The following SPACA9 variants were observed in gnomAD, a reference collection of about 807,000 sequenced individuals.
SPACA9 encodes sperm acrosome associated 9.
A neutral mutation model predicts 12.5 loss-of-function variants in SPACA9; 14 were observed. The observed-to-expected ratio is 1.12, with a 90% CI of 0.74 to 1.75. The LOEUF (loss-of-function observed/expected upper bound fraction) is 1.75. Ranked by LOEUF, SPACA9 falls within the 40% of genes most tolerant of loss-of-function variation. The pLI is 0.00. For missense variants in SPACA9, 292 were observed against 291.9 expected (o/e 1.00, Z 0.00); for synonymous variants, 111 against 114.1 (o/e 0.97, Z 0.17).
rs1844667243 is a variant in SPACA9 at position 132,889,202 on chromosome 9, C to T, written c.*591C>T. The T allele has an allele frequency of 1.0e-6, 1 of 986,408 alleles. No individual in the cohort carries two copies. Among genetic ancestry groups the T allele is most frequent in the African/African-American group, 1.7e-5 (1 of 57,232 alleles). 61.1% of individuals were successfully genotyped at this position (986,408 alleles called of 1,614,324 possible). On this transcript the variant is annotated 3_prime_UTR_variant, in exon 4 of 4. Coordinates refer to ENST00000356311, the MANE Select transcript of SPACA9 (RefSeq NM_001316897.2). ...TCCCAGGAGGGCACTGAACTGTCAC[C>T]TAGGTCCTCTTTGAGCCACATCCGG... is the stretch of plus-strand genomic sequence containing the variant.
In SPACA9 at chr9:132,887,181, C is replaced by CCATG. The variant is rs1554809890; in HGVS notation, c.145-188_145-187insCATG. ...TCCATCCATCCATCCATCCATCCAT[C>CCATG]TATAGAGAGAGAGATACCACTATAT... On this transcript the variant is annotated intron_variant, in intron 2 of 3. Coordinates refer to ENST00000356311, the MANE Select transcript of SPACA9 (RefSeq NM_001316897.2). This position sits in a 1 kb window ranked among gnomAD's most constrained non-coding sequence, Gnocchi z 5.4. Among the ~76,000 whole-genome samples the CCATG allele has an allele frequency of 1.0e-3, 151 of 151,714 alleles. No individual in the cohort carries two copies. Among genetic ancestry groups the CCATG allele is most frequent in the African/African-American group, 2.5e-3 (102 of 41,318 alleles).
rs1013248945 is a variant in SPACA9 at position 132,883,852 on chromosome 9, G to A, written c.-37-59G>A. 44 of 1,360,290 alleles carry A rather than the reference G, an allele frequency of 3.2e-5. No homozygotes were observed. In the East Asian group the frequency reaches 3.9e-4, roughly 12 times the overall value. The allele number at this position is 1,360,290 out of a possible 1,614,324, so 84.3% of individuals were successfully genotyped here. A position where few individuals can be genotyped will look rare whatever the true frequency, so the allele number is the denominator to read the frequency against. On this transcript the variant is annotated intron_variant, in intron 1 of 3. Coordinates refer to ENST00000356311, the MANE Select transcript of SPACA9 (RefSeq NM_001316897.2). ...CTCTCCCCTGACAGTCCTTCCCTCCGGAGCTGGATCCGAGCATTGGGTCCC... is the reference window on the plus strand; with the variant it reads ...CTCTCCCCTGACAGTCCTTCCCTCCAGAGCTGGATCCGAGCATTGGGTCCC...
intron 1 of SPACA9, among the ~76,000 whole-genome samples, chr9:132,882,187 G>A (rs566934988): frequency 2.0e-5 from 3 of 152,320 alleles, no homozygotes; most frequent in Non-Finnish European, 4.4e-5. Flanking sequence ...CTCTGCTGCA[G>A]AAGCATACTC....
chr9:132,880,854 G>A (rs1298505924), intron 1 of SPACA9, among the ~76,000 whole-genome samples: 3 of 136,538 alleles, frequency 2.2e-5, no homozygotes, highest in Non-Finnish European at 4.6e-5. Context: ...ATGGAGTCTT[G>A]CTCTGTCGCC....
chr9:132,879,827 C>A lies in SPACA9; in HGVS notation c.-38+813C>A, dbSNP rs537217566. On this transcript the variant is annotated intron_variant, in intron 1 of 3. Transcript: ENST00000356311. ...ACTGAGGCCCAGAAAAGGGGGAAAT[C>A]TTGGCTAGGGCCACTGGTTAGATTG... Among the ~76,000 whole-genome samples the A allele has an allele frequency of 3.9e-5, 6 of 152,360 alleles. No homozygotes were observed. The South Asian group carries it at 1.2e-3, about 32-fold the overall frequency.
intron 1 of SPACA9, among the ~76,000 whole-genome samples, chr9:132,880,115 T>C (rs985003394): frequency 6.6e-5 from 10 of 152,264 alleles, no homozygotes; most frequent in African/African-American, 2.4e-4. Context: ...AGGTTTGTTT[T>C]GCTTCCTGGA....
upstream of SPACA9, chr9:132,878,492 G>C: frequency 8.3e-7 from 1 of 1,207,974 alleles, no homozygotes; most frequent in African/African-American, 1.6e-5. This position sits in a 1 kb window ranked among gnomAD's most constrained non-coding sequence, Gnocchi z 4.7. Context: ...TCTTAGCGGG[G>C]GACACCCTCA....
Position 132,888,517 on chromosome 9 carries a change from C to G in SPACA9, c.575C>G (p.Ala192Gly). 1.9e-6 allele frequency: 3 copies of G among 1,579,832 alleles called. No homozygotes were observed. The highest frequency in any genetic ancestry group is 2.6e-6 in the Non-Finnish European group (3 of 1,163,630). Reference protein sequence around the residue: ...PAQAIGTQPRATKHKCRQLTK... With the variant: ...PAQAIGTQPRGTKHKCRQLTK... ...CAGGCCATAGGGACCCAGCCCAGGGCCACTAAACACAAGTGTAGACAGCTC... is the reference window on the plus strand; with the variant it reads ...CAGGCCATAGGGACCCAGCCCAGGGGCACTAAACACAAGTGTAGACAGCTC... The change falls in exon 4 of 4, where the codon GCC (alanine) becomes GGC (glycine). Residue 192 changes from alanine (A) to glycine (G), a missense_variant. Physicochemically the swap from Ala to Gly is moderately conservative, Grantham distance 60. Coordinates refer to ENST00000356311, the MANE Select transcript of SPACA9 (RefSeq NM_001316897.2). This position sits in a 1 kb window ranked among gnomAD's most constrained non-coding sequence, Gnocchi z 5.0.
Position 132,887,023 on chromosome 9 carries a change from G to A in SPACA9, c.145-346G>A, listed in dbSNP as rs1180211157. ...GATGGGGTTTCACCATGTTGACCAG[G>A]CTGGTCTCGAACTCCTGACCTCAAG... On this transcript the variant is annotated intron_variant, in intron 2 of 3. Coordinates refer to ENST00000356311, the MANE Select transcript of SPACA9 (RefSeq NM_001316897.2). The surrounding 1 kb of genome is among the most constrained non-coding windows in gnomAD (Gnocchi z 5.4). Among the ~76,000 whole-genome samples, 3 of 151,888 alleles carry A rather than the reference G, an allele frequency of 2.0e-5. No homozygotes were observed. The highest frequency in any genetic ancestry group is 7.3e-5 in the African/African-American group (3 of 41,306).
intron 1 of SPACA9, among the ~76,000 whole-genome samples, chr9:132,879,581 T>C (rs1844326361): frequency 6.6e-6 from 1 of 152,208 alleles, no homozygotes; most frequent in African/African-American, 2.4e-5. Flanking sequence ...TCTCATTTAA[T>C]CGTTCCAACA....
At chr9:132,878,497 C>T, upstream of SPACA9, 1 of 1,204,774 alleles carries the variant, frequency 8.3e-7, no homozygotes, top group East Asian at 3.4e-5. The surrounding 1 kb of genome is among the most constrained non-coding windows in gnomAD (Gnocchi z 4.7). Context: ...GCGGGGGACA[C>T]CCTCAGGTGG....
chr9:132,880,892 G>A (rs1325352681), intron 1 of SPACA9, among the ~76,000 whole-genome samples: 11 of 148,304 alleles, frequency 7.4e-5, no homozygotes, highest in Non-Finnish European at 1.3e-4. Context: ...GCGCCATCTC[G>A]GCTCACTGCA....
intron 2 of SPACA9, among the ~76,000 whole-genome samples, chr9:132,885,681 CG>C (rs753416209): frequency 2.6e-5 from 4 of 152,122 alleles, no homozygotes; most frequent in Non-Finnish European, 5.9e-5. Context: ...ACCTGGACTT[CG>C]GGGGAAAAAA....
At chr9:132,882,308 C>G (rs1248567194) in intron 1 of SPACA9, among the ~76,000 whole-genome samples, 1 of 152,156 alleles carries the variant, frequency 6.6e-6, no homozygotes. Context: ...CTCCATCTTG[C>G]TAAAGGGCCT....
In SPACA9 at chr9:132,883,768, G is replaced by A. The variant is rs559604871; in HGVS notation, c.-37-143G>A. 24 of 602,758 alleles carry A rather than the reference G, an allele frequency of 4.0e-5. No individual in the cohort carries two copies. In the East Asian group the frequency reaches 4.2e-4, roughly 11 times the overall value. The allele number at this position is 602,758 out of a possible 1,614,324, so 37.3% of individuals were successfully genotyped here. A position where few individuals can be genotyped will look rare whatever the true frequency, so the allele number is the denominator to read the frequency against. ...CAAGTGTGCAGCCTCCCAGGGCCTCGCTTTCTTCTGTGGGGAGGCACTCAC... is the reference window on the plus strand; with the variant it reads ...CAAGTGTGCAGCCTCCCAGGGCCTCACTTTCTTCTGTGGGGAGGCACTCAC... On this transcript the variant is annotated intron_variant, in intron 1 of 3. Coordinates refer to ENST00000356311, the MANE Select transcript of SPACA9 (RefSeq NM_001316897.2).
At chr9:132,886,804 T>C (rs1212858669) in intron 2 of SPACA9, among the ~76,000 whole-genome samples, 2 of 152,136 alleles carry the variant, frequency 1.3e-5, no homozygotes, top group Non-Finnish European at 2.9e-5. Flanking sequence ...CATCCGTCCA[T>C]TTAATTTAAT....
chr9:132,888,700 C>CGCAG lies in SPACA9; in HGVS notation c.*89_*90insGCAG. The stretch of plus-strand genomic sequence containing the variant: ...CCTTTTTTCACTGGTACCCATGGAC[C>CGCAG]CTGCCACTTACTAACCCCAAGGGAA... On this transcript the variant is annotated 3_prime_UTR_variant, in exon 4 of 4. Coordinates refer to ENST00000356311, the MANE Select transcript of SPACA9 (RefSeq NM_001316897.2). The surrounding 1 kb of genome is among the most constrained non-coding windows in gnomAD (Gnocchi z 5.0). 6.9e-7 allele frequency: 1 copy of CGCAG among 1,452,482 alleles called. No individual in the cohort carries two copies. Among genetic ancestry groups the CGCAG allele is most frequent in the Non-Finnish European group, 9.1e-7 (1 of 1,101,632 alleles). The allele number at this position is 1,452,482 out of a possible 1,614,324, so 90.0% of individuals were successfully genotyped here.
rs754588845 is a variant in SPACA9 at position 132,887,479 on chromosome 9, C to T, written c.255C>T (p.Ala85=). The T allele has an allele frequency of 3.0e-5, 49 of 1,613,874 alleles. No individual in the cohort carries two copies. Among genetic ancestry groups the T allele is most frequent in the Middle Eastern group, 1.6e-4 (1 of 6,084 alleles). The change falls in exon 3 of 4, where the codon GCC becomes GCT. Residue 85 remains alanine (A), a synonymous_variant. Coordinates refer to ENST00000356311, the MANE Select transcript of SPACA9 (RefSeq NM_001316897.2). This position sits in a 1 kb window ranked among gnomAD's most constrained non-coding sequence, Gnocchi z 5.4. ...ATAAGCTCTGCCAGCACTTTGAGGC[C>T]GTGCACTCTGGCACCCCAGTCACCA... ...ELNKLCQHFE[A]VHSGTPVTNN... is the part of the protein sequence containing the mutation.
rs559224424 is a variant in SPACA9, at chr9:132,887,310, T to G, written c.145-59T>G. 36 of 1,516,398 alleles carry G rather than the reference T, an allele frequency of 2.4e-5. No homozygotes were observed. Among genetic ancestry groups the G allele is most frequent in the Middle Eastern group, 2.3e-4 (1 of 4,298 alleles). 93.9% of individuals were successfully genotyped at this position (1,516,398 alleles called of 1,614,324 possible). A position where few individuals can be genotyped will look rare whatever the true frequency, so the allele number is the denominator to read the frequency against. The stretch of plus-strand genomic sequence containing the variant: ...TGGGTGCTTCTGGACATTTGCACCA[T>G]AAGCCAGCCAGGACCCGGGTTGGCA... On this transcript the variant is annotated intron_variant, in intron 2 of 3. Transcript: ENST00000356311. This position sits in a 1 kb window ranked among gnomAD's most constrained non-coding sequence, Gnocchi z 5.4.
Sources: gnomAD v4.1 joint callset for allele counts (sites outside exome capture counted in the v4.1 genomes callset) on GRCh38, gnomAD v4.1.1 for gene constraint, Gnocchi (gnomAD v3.1) non-coding constraint, MANE v1.5 for transcripts, NCBI Gene and HGNC (gene_info 2026-07-23, HGNC 2026-07-21) for gene names.